MID2: variants seen among roughly 807,000 people sequenced by gnomAD.
MID2 encodes the protein midline 2, also known as probable E3 ubiquitin-protein ligase MID2.
In MID2, 13 loss-of-function variants were observed where a neutral mutation model predicts 46.1. The observed-to-expected ratio is 0.28, with a 90% CI of 0.18 to 0.45. The LOEUF (loss-of-function observed/expected upper bound fraction) is 0.45, where lower values mean the gene tolerates loss of function less well. MID2 is among the 20% of genes least tolerant of loss of function. The probability of loss-of-function intolerance (pLI) is 1.00; values close to 1 mark genes in which losing one functional copy is unlikely to be tolerated. For synonymous variants in MID2, 199 were observed against 212.3 expected, an observed-to-expected ratio of 0.94 and a Z score of 0.55; for missense variants, 431 against 575.4, an observed-to-expected ratio of 0.75 and a Z score of 2.57.
chrX:107,919,311 G>C (rs1439468898), intron 7 of MID2, among the ~76,000 whole-genome samples: 2 of 110,857 alleles, frequency 1.8e-5, no homozygotes, highest in Non-Finnish European at 3.8e-5. Context: ...GAAGAAACTG[G>C]GGCTCAGGTT....
intron 3 of MID2, among the ~76,000 whole-genome samples, chrX:107,873,696 A>G (rs778563203): frequency 1.3e-3 from 151 of 112,325 alleles, no homozygotes; most frequent in Middle Eastern, 4.6e-3. Flanking sequence ...GTTGCTGCTG[A>G]TTTAGCTGCT....
At chrX:107,915,240 T>C (rs1252975154) in intron 5 of MID2, among the ~76,000 whole-genome samples, 1 of 112,059 alleles carries the variant, frequency 8.9e-6, no homozygotes, top group African/African-American at 3.2e-5. Context: ...CTGAGGATAA[T>C]AAAGTGAAAT....
chrX:107,923,455 C>G (rs1402593684), intron 7 of MID2, among the ~76,000 whole-genome samples: 1 of 112,000 alleles, frequency 8.9e-6, no homozygotes, highest in African/African-American at 3.2e-5. Flanking sequence ...AAAGCAGAAG[C>G]CTAGTTCTCT....
Position 107,926,200 on chromosome X carries a change from C to T in MID2, c.1704C>T (p.Thr568=), listed in dbSNP as rs1435531430. The T allele has an allele frequency of 8.3e-7, 1 of 1,205,350 alleles. No individual in the cohort carries two copies. The highest frequency in any genetic ancestry group is 1.1e-6 in the Non-Finnish European group (1 of 892,105). Residue 568 remains threonine, a synonymous_variant, in exon 9 of 10, where the codon ACC becomes ACT. Coordinates refer to ENST00000262843, the MANE Select transcript of MID2 (RefSeq NM_012216.4). ...AAAGCTCTCTAAAGAAGAGCCACACCCCAGAGAGGTTTAGTGGCACAGGGT... is the reference window on the plus strand; with the variant it reads ...AAAGCTCTCTAAAGAAGAGCCACACTCCAGAGAGGTTTAGTGGCACAGGGT... The part of the protein sequence containing the change: ...KDESSLKKSH[T]PERFSGTGCY...
chrX:107,826,579 C>G, intron 1 of MID2, 149 bp downstream of exon 1: 1 of 716,610 alleles, frequency 1.4e-6, no homozygotes, highest in Non-Finnish European at 1.9e-6. Flanking sequence ...TGATGGGGCC[C>G]GCGAGGCTCG....
chrX:107,910,065 A>G (rs892735154), intron 5 of MID2, among the ~76,000 whole-genome samples: 9 of 111,916 alleles, frequency 8.0e-5, no homozygotes, highest in African/African-American at 2.3e-4. Flanking sequence ...GTTATTATTG[A>G]TTATATTCAC....
intron 7 of MID2, among the ~76,000 whole-genome samples, chrX:107,922,213 C>A: frequency 9.0e-6 from 1 of 111,587 alleles, no homozygotes; most frequent in Non-Finnish European, 1.9e-5. Flanking sequence ...CAGTATGAAC[C>A]CTGGCTCCCA....
intron 3 of MID2, among the ~76,000 whole-genome samples, chrX:107,891,851 T>C (rs1292341108): frequency 9.0e-6 from 1 of 111,552 alleles, no homozygotes; most frequent in African/African-American, 3.3e-5. Flanking sequence ...TAGGCTCTTC[T>C]TCAGCTATTT....
chrX:107,888,130 T>A (rs1963231683), intron 3 of MID2, among the ~76,000 whole-genome samples: 1 of 112,008 alleles, frequency 8.9e-6, no homozygotes. Flanking sequence ...TTCCTTCAGT[T>A]CTGCTCTGAT....
chrX:107,896,773 A>G (rs1228555687), intron 3 of MID2, among the ~76,000 whole-genome samples: 1 of 111,258 alleles, frequency 9.0e-6, no homozygotes, highest in African/African-American at 3.3e-5. Context: ...CTCTAAAGGA[A>G]AAAGAAGTAT....
At chrX:107,852,908 G>T (rs939121491) in intron 2 of MID2, among the ~76,000 whole-genome samples, 1 of 111,598 alleles carries the variant, frequency 9.0e-6, no homozygotes, top group Non-Finnish European at 1.9e-5. Context: ...AGATAGCAGC[G>T]TAGCACTTAA....
Position 107,928,015 on chromosome X carries a change from A to T in MID2, c.*942A>T, listed in dbSNP as rs181105219. Among the ~76,000 whole-genome samples, 1 of 111,555 alleles carries T rather than the reference A, an allele frequency of 9.0e-6. No individual in the cohort carries two copies. The highest frequency in any genetic ancestry group is 1.9e-5 in the Non-Finnish European group (1 of 53,056). Reference sequence around the variant, plus strand: ...TGATGCTACCTACTTGAGGATGGCCATCTGAATTGTTAAAAATTCTGTCAT... The same window carrying T: ...TGATGCTACCTACTTGAGGATGGCCTTCTGAATTGTTAAAAATTCTGTCAT... On this transcript the variant is annotated 3_prime_UTR_variant, in exon 10 of 10. Coordinates refer to ENST00000262843, the MANE Select transcript of MID2 (RefSeq NM_012216.4).
rs1170865886 is a variant in MID2 at position 107,930,859 on chromosome X, G to T, written c.*3786G>T. ...TCTACCAGAAGATTATTTTATGTCTGCAATTTATGCTTGTTTCCACTTTTT... is the reference window on the plus strand; with the variant it reads ...TCTACCAGAAGATTATTTTATGTCTTCAATTTATGCTTGTTTCCACTTTTT... On this transcript the variant is annotated 3_prime_UTR_variant, in exon 10 of 10. Transcript: ENST00000262843. Among the ~76,000 whole-genome samples the T allele has an allele frequency of 2.7e-5, 3 of 112,322 alleles. No homozygotes were observed. In the East Asian group the frequency reaches 8.3e-4, roughly 31 times the overall value.
intron 5 of MID2, among the ~76,000 whole-genome samples, chrX:107,908,716 C>T (rs927207424): frequency 3.2e-5 from 3 of 93,212 alleles, no homozygotes; most frequent in African/African-American, 9.7e-5. Flanking sequence ...AAAAAAAAAG[C>T]CTGCATCTGG....
At position 107,870,844 on chromosome X, in the gene MID2, A is replaced by G. The variant is rs192713515; in HGVS notation, c.816+16140A>G. Among the ~76,000 whole-genome samples the G allele has an allele frequency of 1.2e-4, 12 of 96,057 alleles. No individual in the cohort carries two copies. In the East Asian group the frequency reaches 3.9e-3, roughly 31 times the overall value. The allele number at this position is 96,057 out of a possible 115,157, so 83.4% of individuals were successfully genotyped here. A position where few individuals can be genotyped will look rare whatever the true frequency, so the allele number is the denominator to read the frequency against. Reference sequence around the variant, plus strand: ...TAAGTGTATCTCCTTTTCCATTGTTAGTATTGTATTTTTGTTTTATTTTCT... The same window carrying G: ...TAAGTGTATCTCCTTTTCCATTGTTGGTATTGTATTTTTGTTTTATTTTCT... On this transcript the variant is annotated intron_variant, in intron 3 of 9. Coordinates refer to ENST00000262843, the MANE Select transcript of MID2 (RefSeq NM_012216.4).
At position 107,903,974 on chromosome X, in the gene MID2, A is replaced by C; in HGVS notation, c.833A>C (p.His278Pro). 1 of 1,206,272 alleles carries C rather than the reference A, an allele frequency of 8.3e-7. No individual in the cohort carries two copies. Among genetic ancestry groups the C allele is most frequent in the Non-Finnish European group, 1.1e-6 (1 of 890,428 alleles). Residue 278 changes from histidine (H) to proline (P), a missense_variant, in exon 4 of 10, where the codon CAT becomes CCT. Physicochemically the swap from His to Pro is moderately conservative, Grantham distance 77. Coordinates refer to ENST00000262843, the MANE Select transcript of MID2 (RefSeq NM_012216.4). Reference sequence around the variant, plus strand: ...TCTTGGCAGGTGAATACTGCTATGCATGAGGCAAAACTTATGGAAGAATGT... The same window carrying C: ...TCTTGGCAGGTGAATACTGCTATGCCTGAGGCAAAACTTATGGAAGAATGT... ...CQQVEVNTAM[H>P]EAKLMEECDE... is the part of the protein sequence containing the mutation.
At chrX:107,828,861 T>C (rs1237066154) in intron 1 of MID2, among the ~76,000 whole-genome samples, 1 of 112,259 alleles carries the variant, frequency 8.9e-6, no homozygotes, top group Non-Finnish European at 1.9e-5. Context: ...ATGAAAGGGT[T>C]CTGTAAACCC....
At position 107,929,940 on chromosome X, in the gene MID2, G is replaced by T. The variant is rs964357846; in HGVS notation, c.*2867G>T. On this transcript the variant is annotated 3_prime_UTR_variant, in exon 10 of 10. Coordinates refer to ENST00000262843, the MANE Select transcript of MID2 (RefSeq NM_012216.4). ...GAATCACCTTTAGTGTTTGTTAAAAGAATTGATTTTGGGTTCCCACTCCTG... is the reference window on the plus strand; with the variant it reads ...GAATCACCTTTAGTGTTTGTTAAAATAATTGATTTTGGGTTCCCACTCCTG... Among the ~76,000 whole-genome samples, 3 of 111,686 alleles carry T rather than the reference G, an allele frequency of 2.7e-5. No homozygotes were observed. Among genetic ancestry groups the T allele is most frequent in the South Asian group, 3.7e-4 (1 of 2,697 alleles).
intron 3 of MID2, among the ~76,000 whole-genome samples, chrX:107,865,052 A>G (rs1274753432): frequency 8.9e-6 from 1 of 112,495 alleles, no homozygotes; most frequent in East Asian, 2.8e-4. Flanking sequence ...GGGTAACTGA[A>G]GCACACAGGG....
Sources: gnomAD v4.1 joint callset for allele counts (sites outside exome capture counted in the v4.1 genomes callset) on GRCh38, gnomAD v4.1.1 for gene constraint, MANE v1.5 for transcripts, NCBI Gene and HGNC (gene_info 2026-07-23, HGNC 2026-07-21) for gene names.